Variants in SLC6A11 observed in about 807,000 individuals in gnomAD.
The protein encoded by SLC6A11 is solute carrier family 6 member 11.
In SLC6A11, 25 loss-of-function variants were observed where a neutral mutation model predicts 74.8. The observed-to-expected ratio is 0.33, with a 90% CI of 0.24 to 0.47. The LOEUF is 0.47. Among genes scored for constraint, SLC6A11 ranks in the 20% least tolerant of loss-of-function variants. The pLI, the probability that SLC6A11 is intolerant of heterozygous loss-of-function variation, is 1.00. For missense variants in SLC6A11, 574 were observed against 837.0 expected (o/e 0.69, Z 3.88); for synonymous variants, 330 against 330.2 (o/e 1.00, Z 0.01).
chr3:10,921,097 G>T lies in SLC6A11; in HGVS notation c.1120+2644G>T, dbSNP rs78339670. Among the ~76,000 whole-genome samples, 622 of 152,280 alleles carry T rather than the reference G, an allele frequency of 4.1e-3. 21 individuals carry two copies. In the East Asian group the frequency reaches 0.091, roughly 22 times the overall value. On this transcript the variant is annotated intron_variant, in intron 8 of 13. Transcript: ENST00000254488. ...GGAGACAGAATGTACTATTTGCAGG[G>T]TTCAGATTTTGTTCTGTTCTAAGCC...
chr3:10,882,485 A>G (rs1694993796), intron 6 of SLC6A11, among the ~76,000 whole-genome samples: 1 of 152,070 alleles, frequency 6.6e-6, no homozygotes, highest in South Asian at 2.1e-4. Flanking sequence ...ACCCACTAGG[A>G]TGTACGCCCC....
At position 10,938,362 on chromosome 3, in the gene SLC6A11, G is replaced by T; in HGVS notation, c.1859G>T (p.Gly620Val). ...TGTGATGCCAAACTCAAGAGTGACG[G>T]GACCATCGCAGCCATCACAGAGAAG... ...NDCDAKLKSD[G>V]TIAAITEKET... Residue 620 changes from glycine to valine, a missense_variant, in exon 14 of 14, where the codon GGG becomes GTG. Physicochemically the swap from Gly to Val is moderately radical, Grantham distance 109. This residue lies in a region of SLC6A11 where 257 missense variants were observed against 341.5 expected (regional missense o/e 0.75). Coordinates refer to ENST00000254488, the MANE Select transcript of SLC6A11 (RefSeq NM_014229.3). The T allele has an allele frequency of 6.2e-7, 1 of 1,611,052 alleles. No individual in the cohort carries two copies. Among genetic ancestry groups the T allele is most frequent in the South Asian group, 1.1e-5 (1 of 90,770 alleles).
intron 4 of SLC6A11, among the ~76,000 whole-genome samples, chr3:10,839,705 G>A (rs1480488369): frequency 6.6e-6 from 1 of 152,182 alleles, no homozygotes; most frequent in Non-Finnish European, 1.5e-5. Context: ...GGTGGCATTC[G>A]GAGACCCAGT....
At chr3:10,898,788 G>C (rs1013047071) in intron 6 of SLC6A11, among the ~76,000 whole-genome samples, 2 of 152,036 alleles carry the variant, frequency 1.3e-5, no homozygotes, top group African/African-American at 4.8e-5. Flanking sequence ...ACATTTTTGG[G>C]TATCTTTTCA....
At chr3:10,838,293 G>C (rs1332597624) in intron 4 of SLC6A11, among the ~76,000 whole-genome samples, 2 of 152,250 alleles carry the variant, frequency 1.3e-5, no homozygotes, top group Non-Finnish European at 2.9e-5. Context: ...CTCAGCAGCT[G>C]TGTGTGAGCT....
At chr3:10,910,608 G>C (rs1311485972) in intron 6 of SLC6A11, among the ~76,000 whole-genome samples, 7 of 152,080 alleles carry the variant, frequency 4.6e-5, no homozygotes, top group Non-Finnish European at 7.4e-5. Context: ...TGTTGAGTGA[G>C]AGGTTACACC....
rs11276081 is a variant in SLC6A11, at chr3:10,940,345, C to CCACATCAACTCTCACGGATG, written c.*1947_*1948insTCAACTCTCACGGATGCACA. On this transcript the variant is annotated 3_prime_UTR_variant, in exon 14 of 14. Transcript: ENST00000254488. Reference sequence around the variant, plus strand: ...TCCCATTGCTGCTGCTACCGGTTCTCCACAGATCCCTGTGGTCCGCCATCG... The same window carrying CCACATCAACTCTCACGGATG: ...TCCCATTGCTGCTGCTACCGGTTCTCCACATCAACTCTCACGGATGCACAGATCCCTGTGGTCCGCCATCG... The CCACATCAACTCTCACGGATG allele has an allele frequency of 6.6e-6, 1 of 152,068 alleles. No homozygotes were observed. Among genetic ancestry groups the CCACATCAACTCTCACGGATG allele is most frequent in the Admixed American group, 6.5e-5 (1 of 15,278 alleles). The allele number at this position is 152,068 out of a possible 1,614,324, so 9.4% of individuals were successfully genotyped here. A position where few individuals can be genotyped will look rare whatever the true frequency, so the allele number is the denominator to read the frequency against.
At chr3:10,822,778 G>A (rs1187188844) in intron 3 of SLC6A11, among the ~76,000 whole-genome samples, 1 of 152,192 alleles carries the variant, frequency 6.6e-6, no homozygotes, top group African/African-American at 2.4e-5. Flanking sequence ...GAATGATGAA[G>A]AAACCAGGGA....
intron 4 of SLC6A11, chr3:10,823,627 G>A: frequency 4.1e-6 from 2 of 486,124 alleles, no homozygotes; most frequent in Non-Finnish European, 7.5e-6. Flanking sequence ...AGCATGCATA[G>A]TGGGTTATTA....
intron 13 of SLC6A11, among the ~76,000 whole-genome samples, chr3:10,937,197 G>A (rs1039414033): frequency 9.9e-5 from 15 of 152,170 alleles, no homozygotes; most frequent in South Asian, 2.1e-4. Flanking sequence ...GGCAGGTACC[G>A]TTATTATCCC....
At chr3:10,930,455 G>C (rs565784113) in intron 10 of SLC6A11, among the ~76,000 whole-genome samples, 11 of 152,240 alleles carry the variant, frequency 7.2e-5, no homozygotes, top group African/African-American at 2.6e-4. Flanking sequence ...TCATTACCTC[G>C]CCCAGTCATT....
At chr3:10,824,802 C>A (rs778162752) in intron 4 of SLC6A11, 2 of 152,200 alleles carry the variant, frequency 1.3e-5, no homozygotes, top group African/African-American at 2.4e-5. Flanking sequence ...GAGTGAATGT[C>A]TAGTCTGTGC....
rs552307487 is a variant in SLC6A11 at position 10,920,719 on chromosome 3, A to C, written c.1120+2266A>C. ...AGCAGTCCTAGCTTTTACAGTGCCT[A>C]TCACAGACGAGGACCTTGTAGCTGA... On this transcript the variant is annotated intron_variant, in intron 8 of 13. Coordinates refer to ENST00000254488, the MANE Select transcript of SLC6A11 (RefSeq NM_014229.3). Among the ~76,000 whole-genome samples, 301 of 152,342 alleles carry C rather than the reference A, an allele frequency of 2.0e-3. 2 individuals carry two copies. The highest frequency in any genetic ancestry group is 1.4e-3 in the Non-Finnish European group (96 of 68,030).
At chr3:10,868,980 C>T (rs1694797751) in intron 5 of SLC6A11, among the ~76,000 whole-genome samples, 2 of 152,224 alleles carry the variant, frequency 1.3e-5, no homozygotes, top group African/African-American at 4.8e-5. Context: ...GACCCAGCAT[C>T]ACATATGGAT....
intron 6 of SLC6A11, among the ~76,000 whole-genome samples, chr3:10,896,225 T>C (rs1386352019): frequency 5.3e-5 from 8 of 152,322 alleles, no homozygotes; most frequent in Non-Finnish European, 4.4e-5. Context: ...GGCCAGCTCC[T>C]CCCAGGGCTA....
chr3:10,844,084 A>G (rs1343080021), intron 4 of SLC6A11, 130 bp from the exon 5 acceptor site: 10 of 1,080,070 alleles, frequency 9.3e-6, no homozygotes, highest in Admixed American at 2.2e-5. Flanking sequence ...TCCTCCCCAG[A>G]GGAGACATTT....
intron 5 of SLC6A11, among the ~76,000 whole-genome samples, chr3:10,862,127 C>T (rs1236276863): frequency 6.6e-6 from 1 of 152,188 alleles, no homozygotes; most frequent in Non-Finnish European, 1.5e-5. Flanking sequence ...ACTGGCACAT[C>T]CTTGCCTGGG....
chr3:10,891,775 G>C (rs181538817), intron 6 of SLC6A11, among the ~76,000 whole-genome samples: 2 of 152,150 alleles, frequency 1.3e-5, no homozygotes, highest in African/African-American at 4.8e-5. Context: ...GAGTCTATTT[G>C]CTCATCTATG....
At chr3:10,871,174 C>T (rs1427245685) in intron 5 of SLC6A11, among the ~76,000 whole-genome samples, 1 of 152,152 alleles carries the variant, frequency 6.6e-6, no homozygotes, top group East Asian at 1.9e-4. Context: ...TACATTTGGC[C>T]AGGTTTTAAG....
Sources: allele counts gnomAD v4.1 joint callset (sites outside exome capture counted in the v4.1 genomes callset), GRCh38; gene constraint gnomAD v4.1.1; regional missense constraint gnomAD v4.1.1; transcripts MANE v1.5; gene names NCBI Gene and HGNC (gene_info 2026-07-23, HGNC 2026-07-21).